Variants in UCHL3 observed in about 807,000 individuals in gnomAD.
UCHL3 encodes ubiquitin C-terminal hydrolase L3.
A neutral mutation model predicts 35.8 loss-of-function variants in UCHL3; 22 were observed. The ratio of observed to expected loss-of-function variants is 0.61; its 90% CI spans 0.44 to 0.88. UCHL3 has a LOEUF of 0.88. Among genes scored for constraint, UCHL3 ranks in the 40% least tolerant of loss-of-function variants. The probability of loss-of-function intolerance (pLI) is 0.00; values close to 1 mark genes in which losing one functional copy is unlikely to be tolerated. For synonymous variants in UCHL3, 90 were observed against 92.8 expected (o/e 0.97, Z 0.17); for missense variants, 229 against 276.9 (o/e 0.83, Z 1.23).
Position 75,603,628 on chromosome 13 carries a change from TATAA to T in UCHL3, c.551-1139_551-1136del, listed in dbSNP as rs569727245. On this transcript the variant is annotated intron_variant, in intron 7 of 8. Transcript: ENST00000377595. ...TGGCACATAATGAATGTGATAGTCA[TATAA>T]ACATAGAATAGTCTATTGAAGAATA... is the stretch of plus-strand genomic sequence containing the variant. Among the ~76,000 whole-genome samples, 11 of 152,298 alleles carry T rather than the reference TATAA, an allele frequency of 7.2e-5. No homozygotes were observed. In the South Asian group the frequency reaches 2.1e-3, roughly 29 times the overall value.
At chr13:75,602,660 TTTCTGTGA>T (rs1289665118) in intron 7 of UCHL3, among the ~76,000 whole-genome samples, 2 of 152,218 alleles carry the variant, frequency 1.3e-5, no homozygotes, top group Non-Finnish European at 2.9e-5. Flanking sequence ...TGGCAAAATT[TTTCTGTGA>T]AGGACCAAGT....
chr13:75,560,731 T>TTTTC (rs772858999), intron 2 of UCHL3, 22 bp from the exon 3 acceptor site: 8 of 1,581,796 alleles, frequency 5.1e-6, no homozygotes, highest in Admixed American at 3.8e-5. Flanking sequence ...ATTGTTTTTT[T>TTTTC]TTTCTTTCTT....
At chr13:75,550,017 C>G in intron 2 of UCHL3, 30 bp downstream of exon 2, 1 of 1,614,212 alleles carries the variant, frequency 6.2e-7, no homozygotes, top group Non-Finnish European at 8.5e-7. Context: ...CTCGGGACCT[C>G]GGAGTCTTTT....
At chr13:75,561,968 A>T (rs1260675388) in intron 3 of UCHL3, among the ~76,000 whole-genome samples, 1 of 152,080 alleles carries the variant, frequency 6.6e-6, no homozygotes, top group Non-Finnish European at 1.5e-5. Flanking sequence ...TTGAGGCTAT[A>T]TCCTTCTGAT....
rs115925306 is a variant in UCHL3 at position 75,570,056 on chromosome 13, T to C, written c.474+549T>C. On this transcript the variant is annotated intron_variant, in intron 6 of 8. Transcript: ENST00000377595. ...TCTTCATTTTTCCTTCCATCTTTTCTTTCTTTCTTTCCTTCCCCCCAGCCC... is the reference window on the plus strand; with the variant it reads ...TCTTCATTTTTCCTTCCATCTTTTCCTTCTTTCTTTCCTTCCCCCCAGCCC... 4.9e-3 allele frequency among the ~76,000 whole-genome samples: 748 copies of C among 152,310 alleles called. 7 individuals are homozygous for C. The highest frequency in any genetic ancestry group is 0.017 in the African/African-American group (713 of 41,572).
intron 6 of UCHL3, among the ~76,000 whole-genome samples, chr13:75,589,548 C>T (rs2032418895): frequency 6.6e-6 from 1 of 152,136 alleles, no homozygotes; most frequent in East Asian, 1.9e-4. Flanking sequence ...CCTATCACCA[C>T]ACAGTTTTCT....
intron 6 of UCHL3, among the ~76,000 whole-genome samples, chr13:75,578,061 C>CT (rs1002913730): frequency 6.6e-6 from 1 of 152,028 alleles, no homozygotes; most frequent in Non-Finnish European, 1.5e-5. Context: ...GCAAAAGACA[C>CT]TTTTTGCATC....
At chr13:75,553,138 T>G (rs549295814) in intron 2 of UCHL3, among the ~76,000 whole-genome samples, 1 of 152,302 alleles carries the variant, frequency 6.6e-6, no homozygotes, top group African/African-American at 2.4e-5. Context: ...TCATATAAAT[T>G]CTCATAAGAA....
At chr13:75,566,909 G>T (rs2031702466) in intron 4 of UCHL3, 58 bp downstream of exon 4, 1 of 1,515,458 alleles carries the variant, frequency 6.6e-7, no homozygotes, top group South Asian at 1.3e-5. Flanking sequence ...TAATTGCATT[G>T]AGCAGTAGGT....
At chr13:75,552,389 A>C (rs1217487487) in intron 2 of UCHL3, among the ~76,000 whole-genome samples, 2 of 152,114 alleles carry the variant, frequency 1.3e-5, no homozygotes, top group Non-Finnish European at 2.9e-5. Flanking sequence ...TCTTGAACTC[A>C]CTCTGTTACC....
chr13:75,559,810 A>G (rs2031431842), intron 2 of UCHL3, among the ~76,000 whole-genome samples: 1 of 152,166 alleles, frequency 6.6e-6, no homozygotes, highest in Non-Finnish European at 1.5e-5. Context: ...TGTTTCCTCT[A>G]TTCCTTTTTT....
intron 2 of UCHL3, among the ~76,000 whole-genome samples, chr13:75,555,151 CTT>C (rs1429541696): frequency 2.0e-5 from 3 of 152,178 alleles, no homozygotes; most frequent in African/African-American, 4.8e-5. Context: ...GCTTCAGAGT[CTT>C]TGCACTTGCT....
At chr13:75,592,450 A>ATATATGTATATATG (rs1555276779) in intron 6 of UCHL3, among the ~76,000 whole-genome samples, 20 of 118,998 alleles carry the variant, frequency 1.7e-4, no homozygotes, top group Non-Finnish European at 2.6e-4. Flanking sequence ...ATATATATAT[A>ATATATGTATATATG]TATATATATA....
intron 2 of UCHL3, among the ~76,000 whole-genome samples, chr13:75,557,607 C>T (rs1233569516): frequency 6.6e-6 from 1 of 152,122 alleles, no homozygotes; most frequent in Non-Finnish European, 1.5e-5. Context: ...TTCTAATTAA[C>T]TGTGTAGAGA....
At chr13:75,584,026 G>A (rs532271916) in intron 6 of UCHL3, among the ~76,000 whole-genome samples, 16 of 152,288 alleles carry the variant, frequency 1.1e-4, no homozygotes, top group African/African-American at 3.9e-4. Context: ...CTGTGGGAAA[G>A]GCGTGAAGCC....
chr13:75,594,799 A>G, intron 6 of UCHL3, 116 bp from the exon 7 acceptor site: 1 of 787,494 alleles, frequency 1.3e-6, no homozygotes, highest in East Asian at 2.9e-5. Flanking sequence ...GCCTTGAATT[A>G]TATTGGATAA....
chr13:75,593,224 T>C (rs2032558668), intron 6 of UCHL3, among the ~76,000 whole-genome samples: 1 of 152,176 alleles, frequency 6.6e-6, no homozygotes, highest in South Asian at 2.1e-4. Flanking sequence ...AATAATTCAT[T>C]ATAGCCTTTT....
chr13:75,602,776 G>T (rs1305374217), intron 7 of UCHL3, among the ~76,000 whole-genome samples: 1 of 152,102 alleles, frequency 6.6e-6, no homozygotes, highest in Non-Finnish European at 1.5e-5. Context: ...CTGAGGGCTG[G>T]ATTTGGCCCA....
chr13:75,592,454 A>ATG (rs1566228207), intron 6 of UCHL3, among the ~76,000 whole-genome samples: 25 of 118,810 alleles, frequency 2.1e-4, no homozygotes, highest in East Asian at 1.2e-3. Flanking sequence ...ATATATATAT[A>ATG]TATATATATA....
Sources: allele counts gnomAD v4.1 joint callset (sites outside exome capture counted in the v4.1 genomes callset), GRCh38; gene constraint gnomAD v4.1.1; transcripts MANE v1.5; gene names NCBI Gene and HGNC (gene_info 2026-07-23, HGNC 2026-07-21).